WRN: variants seen among roughly 807,000 people sequenced by gnomAD.
WRN encodes the protein bifunctional 3'-5' exonuclease/ATP-dependent helicase WRN.
In WRN, 149 loss-of-function variants were observed where a neutral mutation model predicts 180.7. The ratio of observed to expected loss-of-function variants is 0.82; its 90% CI spans 0.72 to 0.94. The LOEUF (loss-of-function observed/expected upper bound fraction) is 0.94, where lower values mean the gene tolerates loss of function less well. WRN is among the 40% of genes least tolerant of loss of function. The pLI is 0.00. For synonymous variants in WRN, 548 were observed against 568.9 expected (o/e 0.96, Z 0.52); for missense variants, 1,661 against 1,700.1 (o/e 0.98, Z 0.40).
In WRN at chr8:31,078,836, A is replaced by T. The variant is rs117255801; in HGVS notation, c.840-2031A>T. Among the ~76,000 whole-genome samples the T allele has an allele frequency of 1.7e-4, 26 of 152,316 alleles. 1 individual carries two copies. The East Asian group carries it at 5.0e-3, about 29-fold the overall frequency. On this transcript the variant is annotated intron_variant, in intron 8 of 34. Transcript: ENST00000298139. ...TGTGCCTTACTGAAGAAGGCAGGAC[A>T]GCCGTTGGTATTTGTTAGAGTAAAT...
At chr8:31,066,504 G>C (rs1053620927) in intron 5 of WRN, among the ~76,000 whole-genome samples, 1 of 151,784 alleles carries the variant, frequency 6.6e-6, no homozygotes, top group African/African-American at 2.4e-5. Flanking sequence ...CTTCCTCCCA[G>C]TTCTTGGTAC....
chr8:31,118,383 A>G (rs746216802), intron 20 of WRN, among the ~76,000 whole-genome samples: 24 of 152,050 alleles, frequency 1.6e-4, no homozygotes, highest in African/African-American at 2.2e-4. Context: ...AGCTGGCCCA[A>G]TGTACTCCTA....
intron 24 of WRN, among the ~76,000 whole-genome samples, chr8:31,138,372 A>G (rs1486257575): frequency 6.6e-6 from 1 of 152,206 alleles, no homozygotes; most frequent in Non-Finnish European, 1.5e-5. Flanking sequence ...TGGGTTACCT[A>G]TAGTAAAATG....
chr8:31,119,970 AC>A (rs113642521), intron 20 of WRN: 2 of 385,432 alleles, frequency 5.2e-6, no homozygotes, highest in African/African-American at 2.1e-5. Flanking sequence ...AATATTTTGA[AC>A]CCCTTTTGTG....
chr8:31,064,409 C>G lies in WRN; in HGVS notation c.330C>G (p.Tyr110Ter). 6.2e-7 allele frequency: 1 copy of G among 1,614,080 alleles called. No homozygotes were observed. The highest frequency in any genetic ancestry group is 8.5e-7 in the Non-Finnish European group (1 of 1,179,988). Residue 110 changes from tyrosine to a stop codon, truncating the protein, a stop_gained, in exon 4 of 35, where the codon TAC becomes TAG. Transcript: ENST00000298139. LOFTEE classifies it high-confidence loss of function. ...TGTGTGTTTCTGAGAGCAAATGTTA[C>G]TTGTTCCACGTTTCTTCCATGTCAG... Reference protein sequence around the residue: ...IQLCVSESKCYLFHVSSMSVF... With the variant: ...IQLCVSESKC
chr8:31,159,235 G>A (rs919680348), intron 33 of WRN, among the ~76,000 whole-genome samples: 4 of 151,962 alleles, frequency 2.6e-5, no homozygotes, highest in Non-Finnish European at 4.4e-5. Context: ...AGGAGTTTGG[G>A]GTTATAATAA....
intron 1 of WRN, among the ~76,000 whole-genome samples, chr8:31,045,034 A>G (rs1479215404): frequency 3.9e-5 from 6 of 152,252 alleles, no homozygotes; most frequent in Non-Finnish European, 1.5e-5. Context: ...TAATTACTGC[A>G]TATGGTCAAT....
chr8:31,069,821 C>A (rs564683120), intron 7 of WRN, among the ~76,000 whole-genome samples: 3 of 152,160 alleles, frequency 2.0e-5, no homozygotes, highest in Admixed American at 2.0e-4. Flanking sequence ...CATAATAAAA[C>A]TAAAATTCAA....
At position 31,154,625 on chromosome 8, in the gene WRN, C is replaced by A. The variant is rs776027380; in HGVS notation, c.3689C>A (p.Thr1230Lys). Residue 1230 changes from threonine (T) to lysine (K), a missense_variant and splice_region_variant, in exon 32 of 35, where the codon ACA (threonine) becomes AAA (lysine). Coordinates refer to ENST00000298139, the MANE Select transcript of WRN (RefSeq NM_000553.6). Reference sequence around the variant, plus strand: ...TGTGCTACATTAAAAATTCTGTAGACAGACCTCTTTTCAAGTACAAAACCT... The same window carrying A: ...TGTGCTACATTAAAAATTCTGTAGAAAGACCTCTTTTCAAGTACAAAACCT... ...KHFCQTNSVQ[T>K]DLFSSTKPQE... The A allele has an allele frequency of 6.2e-7, 1 of 1,611,536 alleles. No individual in the cohort carries two copies. Among genetic ancestry groups the A allele is most frequent in the East Asian group, 2.2e-5 (1 of 44,702 alleles).
intron 18 of WRN, among the ~76,000 whole-genome samples, chr8:31,110,846 G>C (rs28546775): frequency 9.3e-4 from 142 of 152,258 alleles, no homozygotes; most frequent in African/African-American, 3.2e-3. Context: ...CCATAGTTAA[G>C]TGTAATTTCC....
chr8:31,167,964 TG>T (rs1401754694), intron 34 of WRN, among the ~76,000 whole-genome samples: 1 of 152,124 alleles, frequency 6.6e-6, no homozygotes, highest in Admixed American at 6.5e-5. Context: ...AATTCTTAGT[TG>T]GTAAATTCAA....
chr8:31,129,313 A>G (rs1442151077), intron 23 of WRN, among the ~76,000 whole-genome samples: 1 of 152,208 alleles, frequency 6.6e-6, no homozygotes, highest in Non-Finnish European at 1.5e-5. Context: ...TTCTCAGAAC[A>G]CAGCCATGCC....
chr8:31,045,109 A>G (rs1460071997), intron 1 of WRN, among the ~76,000 whole-genome samples: 1 of 152,178 alleles, frequency 6.6e-6, no homozygotes, highest in Non-Finnish European at 1.5e-5. Context: ...TCATTTCTTG[A>G]ATAACTTGTT....
chr8:31,088,050 A>C, intron 12 of WRN, 130 bp downstream of exon 12: 1 of 1,486,476 alleles, frequency 6.7e-7, no homozygotes, highest in South Asian at 1.3e-5. Context: ...GATCCTTATA[A>C]GCTTTTGTCT....
chr8:31,069,354 C>G (rs950434376), intron 7 of WRN, among the ~76,000 whole-genome samples: 6 of 152,050 alleles, frequency 3.9e-5, no homozygotes, highest in African/African-American at 1.4e-4. Flanking sequence ...CTATGAATGC[C>G]TGCTGGTTCT....
chr8:31,122,460 A>G (rs1264520351), intron 21 of WRN, among the ~76,000 whole-genome samples: 1 of 152,004 alleles, frequency 6.6e-6, no homozygotes, highest in Non-Finnish European at 1.5e-5. Context: ...ATGTAAATTT[A>G]TGTTTTTAAT....
chr8:31,039,469 T>A (rs1214780020), intron 1 of WRN, among the ~76,000 whole-genome samples: 1 of 152,186 alleles, frequency 6.6e-6, no homozygotes, highest in Non-Finnish European at 1.5e-5. Flanking sequence ...TCTTTGAGAT[T>A]TTTATATGGG....
At chr8:31,054,625 G>T (rs1812192967) in intron 1 of WRN, among the ~76,000 whole-genome samples, 1 of 152,172 alleles carries the variant, frequency 6.6e-6, no homozygotes, top group Non-Finnish European at 1.5e-5. Flanking sequence ...AGGTAGATAA[G>T]ATTTCAGGAA....
In WRN at chr8:31,090,520, G is replaced by C. The variant is rs587778746; in HGVS notation, c.1708G>C (p.Val570Leu). The change falls in exon 14 of 35, where the codon GTC (valine) becomes CTC (leucine). Residue 570 changes from valine to leucine, a missense_variant. This residue lies in a region of WRN where 1,141 missense variants were observed against 1,149.4 expected (regional missense o/e 0.99). Coordinates refer to ENST00000298139, the MANE Select transcript of WRN (RefSeq NM_000553.6). ...AGAAGAAAGAAGAGATAATGTTGCT[G>C]TCATGGCAACTGGTAAGTTGTACTT... ...VLEERRDNVA[V>L]MATGYGKSLC... 15 of 1,612,098 alleles carry C rather than the reference G, an allele frequency of 9.3e-6. No homozygotes were observed. The South Asian group carries it at 1.5e-4, about 17-fold the overall frequency.
Sources: allele counts gnomAD v4.1 joint callset (sites outside exome capture counted in the v4.1 genomes callset), GRCh38; gene constraint gnomAD v4.1.1; regional missense constraint gnomAD v4.1.1; transcripts MANE v1.5; gene names NCBI Gene and HGNC (gene_info 2026-07-23, HGNC 2026-07-21).